Variants in KCNH7 observed in about 807,000 individuals in gnomAD.
The protein encoded by KCNH7 is voltage-gated inwardly rectifying potassium channel KCNH7.
KCNH7 carries 49 observed loss-of-function variants against 120.8 expected under a neutral mutation model. The observed-to-expected ratio is 0.41, with a 90% CI of 0.32 to 0.51. The LOEUF is 0.51. Among genes scored for constraint, KCNH7 ranks in the 20% least tolerant of loss-of-function variants. The probability of loss-of-function intolerance (pLI) is 0.38; values close to 1 mark genes in which losing one functional copy is unlikely to be tolerated. For missense variants in KCNH7, 1,097 were observed against 1,446.6 expected, an observed-to-expected ratio of 0.76 and a Z score of 3.92; for synonymous variants, 547 against 516.1, an observed-to-expected ratio of 1.06 and a Z score of -0.81.
At chr2:162,487,728 C>A (rs1373435947) in intron 6 of KCNH7, among the ~76,000 whole-genome samples, 6 of 151,964 alleles carry the variant, frequency 3.9e-5, no homozygotes, top group Non-Finnish European at 7.4e-5. Context: ...AATGTATTAC[C>A]CACAATCTCA....
intron 6 of KCNH7, among the ~76,000 whole-genome samples, chr2:162,463,108 A>G (rs1689197908): frequency 6.6e-6 from 1 of 151,894 alleles, no homozygotes; most frequent in Non-Finnish European, 1.5e-5. Context: ...ACAGGAATCT[A>G]CTCAAGTCAT....
At chr2:162,567,663 T>C (rs1314193020) in intron 2 of KCNH7, among the ~76,000 whole-genome samples, 1 of 152,042 alleles carries the variant, frequency 6.6e-6, no homozygotes, top group Admixed American at 6.6e-5. Context: ...TTTTCCCCTG[T>C]TTTATTCACT....
At chr2:162,774,812 T>C (rs1311802325) in intron 2 of KCNH7, among the ~76,000 whole-genome samples, 2 of 152,194 alleles carry the variant, frequency 1.3e-5, no homozygotes, top group African/African-American at 2.4e-5. Context: ...TGTTTACGAA[T>C]GTGTATGCAT....
intron 6 of KCNH7, among the ~76,000 whole-genome samples, chr2:162,493,270 A>G (rs1296713186): frequency 6.6e-6 from 1 of 152,232 alleles, no homozygotes; most frequent in Non-Finnish European, 1.5e-5. Flanking sequence ...GTGTAATCAT[A>G]TATGTGTTAG....
intron 2 of KCNH7, among the ~76,000 whole-genome samples, chr2:162,752,989 A>AAAAG: frequency 1.5e-5 from 2 of 134,466 alleles, no homozygotes; most frequent in Admixed American, 7.3e-5. Context: ...AAAAGAAAAG[A>AAAAG]AAAGAAAAGA....
chr2:162,452,034 C>A (rs114746654), intron 6 of KCNH7, among the ~76,000 whole-genome samples: 1 of 151,926 alleles, frequency 6.6e-6, no homozygotes. Flanking sequence ...TTTGTAGATA[C>A]GGAAATGATA....
intron 2 of KCNH7, among the ~76,000 whole-genome samples, chr2:162,781,347 G>A (rs1683479282): frequency 1.3e-5 from 2 of 151,932 alleles, no homozygotes; most frequent in Non-Finnish European, 2.9e-5. Context: ...ATGTCAGGCT[G>A]CAGTAAGCAA....
chr2:162,625,910 C>T (rs1683538717), intron 2 of KCNH7, among the ~76,000 whole-genome samples: 1 of 151,972 alleles, frequency 6.6e-6, no homozygotes, highest in Non-Finnish European at 1.5e-5. Flanking sequence ...CTTTGGGAAT[C>T]CTAGTACGTA....
chr2:162,372,225 A>G, intron 15 of KCNH7, 130 bp from the exon 16 acceptor site: 1 of 727,008 alleles, frequency 1.4e-6, no homozygotes, highest in Non-Finnish European at 2.2e-6. Flanking sequence ...ATTAGCCAAC[A>G]TTTCCCTCCT....
At chr2:162,445,071 G>A (rs946533220) in intron 7 of KCNH7, among the ~76,000 whole-genome samples, 12 of 152,136 alleles carry the variant, frequency 7.9e-5, no homozygotes, top group Admixed American at 4.6e-4. Context: ...TTCGATCAGA[G>A]TTTATTTCTA....
chr2:162,770,238 T>C (rs77456058), intron 2 of KCNH7, among the ~76,000 whole-genome samples: 1,670 of 151,638 alleles, frequency 0.011, 24 homozygotes, highest in African/African-American at 0.038. Flanking sequence ...TGAAGGAATT[T>C]AGAGAACAGT....
At chr2:162,816,257 C>CAAAAAAAAAAAAAA (rs10599191) in intron 2 of KCNH7, among the ~76,000 whole-genome samples, 2 of 59,988 alleles carry the variant, frequency 3.3e-5, no homozygotes, top group African/African-American at 6.6e-5. Context: ...AACTCCATCT[C>CAAAAAAAAAAAAAA]AAAAAAAAAA....
chr2:162,681,619 C>A, intron 2 of KCNH7, among the ~76,000 whole-genome samples: 1 of 151,366 alleles, frequency 6.6e-6, no homozygotes, highest in South Asian at 2.1e-4. Context: ...TGAATTTGGA[C>A]CAAAAAAAAT....
chr2:162,444,204 CT>C (rs1288872843), intron 7 of KCNH7, among the ~76,000 whole-genome samples: 1 of 152,202 alleles, frequency 6.6e-6, no homozygotes, highest in Admixed American at 6.5e-5. Flanking sequence ...TCCCCTACCC[CT>C]CTTCCTCAAT....
chr2:162,739,857 G>A (rs1688058206), intron 2 of KCNH7, among the ~76,000 whole-genome samples: 1 of 152,102 alleles, frequency 6.6e-6, no homozygotes, highest in Non-Finnish European at 1.5e-5. Flanking sequence ...AATGAGATAT[G>A]GATATTAGGA....
At chr2:162,665,994 A>T (rs866905562) in intron 2 of KCNH7, among the ~76,000 whole-genome samples, 1 of 152,322 alleles carries the variant, frequency 6.6e-6, no homozygotes. Context: ...GTATAGAGAA[A>T]AACTTTTTTT....
At chr2:162,801,535 A>G (rs1443213628) in intron 2 of KCNH7, among the ~76,000 whole-genome samples, 1 of 151,828 alleles carries the variant, frequency 6.6e-6, no homozygotes, top group Non-Finnish European at 1.5e-5. Context: ...AAAATGTTAC[A>G]TAATCATTCT....
chr2:162,720,699 AGTGTAGTTCT>A (rs1315942476), intron 2 of KCNH7, among the ~76,000 whole-genome samples: 7 of 152,120 alleles, frequency 4.6e-5, no homozygotes, highest in Non-Finnish European at 8.8e-5. Context: ...TTCATGAATT[AGTGTAGTTCT>A]GACCTGATTG....
intron 6 of KCNH7, among the ~76,000 whole-genome samples, chr2:162,490,762 C>A (rs1401426257): frequency 1.3e-5 from 2 of 152,154 alleles, no homozygotes; most frequent in Non-Finnish European, 2.9e-5. Context: ...TTTTCTATGG[C>A]ATTTTCTTTC....
Sources: allele counts gnomAD v4.1 joint callset (sites outside exome capture counted in the v4.1 genomes callset), GRCh38; gene constraint gnomAD v4.1.1; transcripts MANE v1.5; gene names NCBI Gene and HGNC (gene_info 2026-07-23, HGNC 2026-07-21).